PROM1: variants seen among roughly 807,000 people sequenced by gnomAD.
PROM1 encodes the protein prominin-1.
In PROM1, 105 loss-of-function variants were observed where a neutral mutation model predicts 116.9. The ratio of observed to expected loss-of-function variants is 0.90; its 90% CI spans 0.77 to 1.06. The LOEUF is 1.06. Among genes scored for constraint, PROM1 ranks in the 50% least tolerant of loss-of-function variants. The pLI is 0.00. For missense variants in PROM1, 1,122 were observed against 1,045.2 expected (o/e 1.07, Z -1.01); for synonymous variants, 393 against 387.0 (o/e 1.02, Z -0.18).
chr4:16,037,604 G>C (rs576588384), intron 3 of PROM1, among the ~76,000 whole-genome samples: 4 of 152,170 alleles, frequency 2.6e-5, no homozygotes, highest in Non-Finnish European at 5.9e-5. Context: ...GTGCAGGCCA[G>C]TAAAAAACGT....
intron 26 of PROM1, chr4:15,971,935 C>T (rs574404460): frequency 8.5e-5 from 13 of 152,334 alleles, no homozygotes; most frequent in South Asian, 4.1e-4. Flanking sequence ...AACTCTTTAT[C>T]GAAAGGGCTC....
intron 26 of PROM1, among the ~76,000 whole-genome samples, chr4:15,975,011 C>A (rs1715747952): frequency 6.6e-6 from 1 of 152,188 alleles, no homozygotes; most frequent in Admixed American, 6.5e-5. Context: ...CTAAGTGGAG[C>A]TGGCTCAGCT....
chr4:16,038,263 C>T (rs889868901), intron 3 of PROM1, among the ~76,000 whole-genome samples: 6 of 152,134 alleles, frequency 3.9e-5, no homozygotes, highest in South Asian at 2.1e-4. Flanking sequence ...TTTTAACAAA[C>T]GATGTTTTAT....
At chr4:16,065,648 G>C (rs1001821841) in intron 2 of PROM1, among the ~76,000 whole-genome samples, 1 of 152,194 alleles carries the variant, frequency 6.6e-6, no homozygotes, top group African/African-American at 2.4e-5. Context: ...CTGCAGAAGT[G>C]AAATAAGCAC....
At chr4:16,072,004 T>G (rs1197965994) in intron 2 of PROM1, among the ~76,000 whole-genome samples, 1 of 152,158 alleles carries the variant, frequency 6.6e-6, no homozygotes, top group African/African-American at 2.4e-5. Flanking sequence ...CTAAGCCCCC[T>G]GTGTAGAGTA....
chr4:15,986,877 A>G (rs138690615), intron 20 of PROM1, among the ~76,000 whole-genome samples: 88 of 152,342 alleles, frequency 5.8e-4, no homozygotes, highest in Non-Finnish European at 1.1e-3. Context: ...AAAACCTGTC[A>G]TGTACAGACT....
At chr4:16,082,842 A>G (rs1745287875) in intron 1 of PROM1, among the ~76,000 whole-genome samples, 2 of 151,856 alleles carry the variant, frequency 1.3e-5, no homozygotes, top group South Asian at 4.2e-4. Flanking sequence ...GGGGAAACTG[A>G]TCCCGAGCCT....
chr4:16,055,202 T>C (rs1738728394), intron 2 of PROM1: 1 of 308,334 alleles, frequency 3.2e-6, no homozygotes, highest in African/African-American at 2.2e-5. Context: ...CTATTTTCCT[T>C]GGAGAAACAA....
intron 2 of PROM1, among the ~76,000 whole-genome samples, chr4:16,041,643 G>A (rs1325670547): frequency 6.6e-6 from 1 of 151,872 alleles, no homozygotes; most frequent in Admixed American, 6.6e-5. Context: ...GCATGCACCT[G>A]TAGTGGGAGG....
At chr4:16,063,965 C>T (rs1740931528) in intron 2 of PROM1, among the ~76,000 whole-genome samples, 1 of 152,126 alleles carries the variant, frequency 6.6e-6, no homozygotes, top group Non-Finnish European at 1.5e-5. Context: ...AACAGGGACT[C>T]ATTAGACTCT....
At chr4:16,081,850 AAAG>A (rs1745101857) in intron 1 of PROM1, among the ~76,000 whole-genome samples, 1 of 152,164 alleles carries the variant, frequency 6.6e-6, no homozygotes, top group Non-Finnish European at 1.5e-5. Flanking sequence ...TAGAAATCAG[AAAG>A]AAGTTTAGAA....
At chr4:16,064,566 C>T (rs746774120) in intron 2 of PROM1, among the ~76,000 whole-genome samples, 7 of 152,116 alleles carry the variant, frequency 4.6e-5, no homozygotes, top group Admixed American at 1.3e-4. Flanking sequence ...TAAGCTTACA[C>T]GTAATTTTTC....
intron 11 of PROM1, 130 bp from the exon 12 acceptor site, chr4:16,009,238 TAAG>T: frequency 1.4e-6 from 1 of 735,740 alleles, no homozygotes; most frequent in East Asian, 2.7e-5. Context: ...TAAAATATGG[TAAG>T]ATTCTTCAAC....
intron 13 of PROM1, among the ~76,000 whole-genome samples, chr4:16,006,176 G>A (rs1242459078): frequency 6.6e-6 from 1 of 152,192 alleles, no homozygotes; most frequent in Non-Finnish European, 1.5e-5. Context: ...TCTGGTGAGT[G>A]AATAAATGAA....
At chr4:16,034,271 AAGTC>A (rs1459177383) in intron 4 of PROM1, among the ~76,000 whole-genome samples, 1 of 152,176 alleles carries the variant, frequency 6.6e-6, no homozygotes, top group Non-Finnish European at 1.5e-5. Flanking sequence ...CTCAGACTCT[AAGTC>A]AGGCACGTTA....
intron 2 of PROM1, among the ~76,000 whole-genome samples, chr4:16,050,670 T>G (rs999349836): frequency 6.6e-6 from 1 of 152,220 alleles, no homozygotes; most frequent in Non-Finnish European, 1.5e-5. Context: ...CCAGGCTATT[T>G]TAAAACTGAT....
chr4:16,044,807 C>T (rs779317152), intron 2 of PROM1, among the ~76,000 whole-genome samples: 3 of 152,142 alleles, frequency 2.0e-5, no homozygotes, highest in East Asian at 1.9e-4. Flanking sequence ...TCACAACTTG[C>T]CCCTATCTAG....
At chr4:15,995,448 AAAG>A (rs1283200860) in intron 15 of PROM1, among the ~76,000 whole-genome samples, 2 of 152,262 alleles carry the variant, frequency 1.3e-5, no homozygotes, top group East Asian at 3.9e-4. Context: ...AAGATTTAAG[AAAG>A]ATTTAGAAGA....
At chr4:16,041,707 C>T (rs2149423990) in intron 2 of PROM1, among the ~76,000 whole-genome samples, 1 of 151,220 alleles carries the variant, frequency 6.6e-6, no homozygotes, top group African/African-American at 2.4e-5. Flanking sequence ...ACAGTTATGC[C>T]ACTGCACTCC....
Sources: allele counts gnomAD v4.1 joint callset (sites outside exome capture counted in the v4.1 genomes callset), GRCh38; gene constraint gnomAD v4.1.1; transcripts MANE v1.5; gene names NCBI Gene and HGNC (gene_info 2026-07-23, HGNC 2026-07-21).